Variants in USP31 observed in about 807,000 individuals in gnomAD.
USP31 encodes the protein ubiquitin specific peptidase 31.
A neutral mutation model predicts 119.4 loss-of-function variants in USP31; 44 were observed. The ratio of observed to expected loss-of-function variants is 0.37; its 90% CI spans 0.29 to 0.47. The LOEUF (loss-of-function observed/expected upper bound fraction) is 0.47. Among genes scored for constraint, USP31 ranks in the 20% least tolerant of loss-of-function variants. The pLI is 0.99. For synonymous variants in USP31, 749 were observed against 705.6 expected (o/e 1.06, Z -0.97); for missense variants, 1,643 against 1,730.2 (o/e 0.95, Z 0.89).
chr16:23,089,518 G>A (rs1901259179), intron 7 of USP31, among the ~76,000 whole-genome samples: 1 of 152,040 alleles, frequency 6.6e-6, no homozygotes, highest in Non-Finnish European at 1.5e-5. Context: ...TAAAATACCT[G>A]TCAATGAATA....
chr16:23,123,880 G>A (rs1003863868), intron 1 of USP31, among the ~76,000 whole-genome samples: 1 of 151,788 alleles, frequency 6.6e-6, no homozygotes, highest in Non-Finnish European at 1.5e-5. Context: ...CACACCTGTG[G>A]TCCCAGCTAC....
At chr16:23,145,792 T>C (rs913671814) in intron 1 of USP31, among the ~76,000 whole-genome samples, 3 of 152,234 alleles carry the variant, frequency 2.0e-5, no homozygotes, top group African/African-American at 7.2e-5. Context: ...AATTGCCAAT[T>C]GCAACGTTTT....
intron 1 of USP31, among the ~76,000 whole-genome samples, chr16:23,128,227 T>C (rs1396026884): frequency 1.3e-5 from 2 of 152,180 alleles, no homozygotes; most frequent in Non-Finnish European, 2.9e-5. Context: ...CAAAGGAACC[T>C]GATTCCAGTA....
intron 13 of USP31, among the ~76,000 whole-genome samples, chr16:23,076,898 A>G (rs2141835051): frequency 6.6e-6 from 1 of 152,352 alleles, no homozygotes; most frequent in African/African-American, 2.4e-5. Context: ...CCATTCTACC[A>G]GTCCACAAGT....
rs1900109330 is a variant in USP31 at position 23,067,188 on chromosome 16, G to C, written c.*858C>G. On this transcript the variant is annotated 3_prime_UTR_variant, in exon 16 of 16. Transcript: ENST00000219689. ...CAAAGGTGTTAACTGCTCTACTACA[G>C]TGCAAAATTCCAAGAGCCTTAGCTA... 1 of 152,594 alleles carries C rather than the reference G, an allele frequency of 6.6e-6. No homozygotes were observed. The highest frequency in any genetic ancestry group is 1.5e-5 in the Non-Finnish European group (1 of 68,038). 9.5% of individuals were successfully genotyped at this position (152,594 alleles called of 1,614,324 possible).
chr16:23,107,262 C>T (rs1206834100), intron 2 of USP31, among the ~76,000 whole-genome samples: 2 of 152,140 alleles, frequency 1.3e-5, no homozygotes, highest in African/African-American at 4.8e-5. Flanking sequence ...TACTGAGCAC[C>T]TGCTACCACA....
intron 15 of USP31, among the ~76,000 whole-genome samples, chr16:23,070,272 G>A (rs1305201662): frequency 2.0e-5 from 3 of 152,140 alleles, no homozygotes; most frequent in African/African-American, 7.2e-5. Context: ...GCTAATACCA[G>A]AACCCAGAAC....
At chr16:23,143,572 G>A (rs1211987415) in intron 1 of USP31, among the ~76,000 whole-genome samples, 2 of 143,490 alleles carry the variant, frequency 1.4e-5, no homozygotes, top group Non-Finnish European at 3.1e-5. Flanking sequence ...AGGAGAAAGA[G>A]AGAGGGAGAG....
chr16:23,136,116 A>C lies in USP31; in HGVS notation c.633+12522T>G, dbSNP rs569707637. 7.2e-5 allele frequency among the ~76,000 whole-genome samples: 11 copies of C among 152,336 alleles called. No individual in the cohort carries two copies. In the East Asian group the frequency reaches 2.1e-3, roughly 29 times the overall value. ...CAACAGGGAAAGCACAATTTTGTCA[A>C]CCAGGGTATAGTCCTGGGAAAACTG... On this transcript the variant is annotated intron_variant, in intron 1 of 15. Coordinates refer to ENST00000219689, the MANE Select transcript of USP31 (RefSeq NM_020718.4).
chr16:23,090,686 T>C lies in USP31; in HGVS notation c.1353A>G (p.Ala451=). ...QGKMDSPTSR[A]GSDKIVLLVC... ...CCAACAGGACAATCTTGTCGCTGCC[T>C]GCTCTTGATGTGGGAGAATCCATTT... Residue 451 remains alanine, a synonymous_variant, in exon 7 of 16, where the codon GCA becomes GCG. Transcript: ENST00000219689. The C allele has an allele frequency of 6.2e-7, 1 of 1,614,120 alleles. No individual in the cohort carries two copies. Among genetic ancestry groups the C allele is most frequent in the African/African-American group, 1.3e-5 (1 of 75,044 alleles).
intron 2 of USP31, 45 bp downstream of exon 2, chr16:23,108,001 A>T (rs374532865): frequency 6.4e-7 from 1 of 1,566,950 alleles, no homozygotes; most frequent in Non-Finnish European, 8.6e-7. Context: ...GAATCTACAC[A>T]CTCTCATGGC....
intron 2 of USP31, among the ~76,000 whole-genome samples, chr16:23,107,589 GAATT>G (rs1902159148): frequency 6.6e-6 from 1 of 152,234 alleles, no homozygotes; most frequent in East Asian, 1.9e-4. Context: ...ATAAAATTAA[GAATT>G]AATTGCTATG....
intron 6 of USP31, among the ~76,000 whole-genome samples, chr16:23,094,840 C>A (rs1901531443): frequency 6.6e-6 from 1 of 152,068 alleles, no homozygotes; most frequent in Non-Finnish European, 1.5e-5. Context: ...ACACCAAAAC[C>A]CCATCTGTAG....
At chr16:23,133,450 T>C (rs988300118) in intron 1 of USP31, among the ~76,000 whole-genome samples, 7 of 152,074 alleles carry the variant, frequency 4.6e-5, no homozygotes, top group Admixed American at 4.6e-4. Context: ...ATGAGGGAGT[T>C]GGGGGGAGAC....
chr16:23,147,811 T>C (rs1357213215), intron 1 of USP31, among the ~76,000 whole-genome samples: 1 of 152,098 alleles, frequency 6.6e-6, no homozygotes, highest in Non-Finnish European at 1.5e-5. Flanking sequence ...GTGGTGTGTG[T>C]CTGTAGTCCC....
At chr16:23,138,770 C>T (rs1248161826) in intron 1 of USP31, among the ~76,000 whole-genome samples, 1 of 152,150 alleles carries the variant, frequency 6.6e-6, no homozygotes, top group Non-Finnish European at 1.5e-5. Flanking sequence ...CCCACCTTTC[C>T]ACTATCCACC....
At chr16:23,129,033 T>G (rs1430134401) in intron 1 of USP31, among the ~76,000 whole-genome samples, 1 of 152,260 alleles carries the variant, frequency 6.6e-6, no homozygotes, top group Non-Finnish European at 1.5e-5. Flanking sequence ...ATTTAACAAT[T>G]TTTTAATGGG....
intron 1 of USP31, among the ~76,000 whole-genome samples, chr16:23,147,689 G>A (rs940334475): frequency 6.6e-6 from 1 of 152,226 alleles, no homozygotes; most frequent in African/African-American, 2.4e-5. Flanking sequence ...CACTTTGGGA[G>A]GCCAAAGCGG....
At chr16:23,145,684 G>A (rs1903483603) in intron 1 of USP31, among the ~76,000 whole-genome samples, 1 of 152,172 alleles carries the variant, frequency 6.6e-6, no homozygotes, top group Admixed American at 6.5e-5. Context: ...TAGCTAAAAA[G>A]ACAACAGGTG....
Sources: allele counts gnomAD v4.1 joint callset (sites outside exome capture counted in the v4.1 genomes callset), GRCh38; gene constraint gnomAD v4.1.1; transcripts MANE v1.5; gene names NCBI Gene and HGNC (gene_info 2026-07-23, HGNC 2026-07-21).